Variants in DPP10 observed in about 807,000 individuals in gnomAD.
DPP10 encodes inactive dipeptidyl peptidase 10.
In DPP10, 33 loss-of-function variants were observed where a neutral mutation model predicts 120.9. The observed-to-expected ratio is 0.27, with a 90% CI of 0.21 to 0.37. The LOEUF is 0.37. Among genes scored for constraint, DPP10 ranks in the 10% least tolerant of loss-of-function variants. The pLI is 1.00. For synonymous variants in DPP10, 337 were observed against 326.1 expected, an observed-to-expected ratio of 1.03 and a Z score of -0.36; for missense variants, 816 against 942.8, an observed-to-expected ratio of 0.87 and a Z score of 1.76.
chr2:115,592,192 C>T (rs1490761378), intron 5 of DPP10, among the ~76,000 whole-genome samples: 3 of 152,118 alleles, frequency 2.0e-5, no homozygotes, highest in African/African-American at 7.2e-5. Context: ...CAATAAGATA[C>T]AGAAGCTTTT....
At position 115,773,734 on chromosome 2, in the gene DPP10, A is replaced by G. The variant is rs183126348; in HGVS notation, c.1222-3474A>G. Among the ~76,000 whole-genome samples, 92 of 152,206 alleles carry G rather than the reference A, an allele frequency of 6.0e-4. 1 individual carries two copies. Among genetic ancestry groups the G allele is most frequent in the African/African-American group, 2.0e-3 (84 of 41,568 alleles). ...TTCTGCTGAAGGTGCTTAAAAACCT[A>G]ACTGAAGTACAAACATCCCCTTGTG... is the stretch of plus-strand genomic sequence containing the variant. On this transcript the variant is annotated intron_variant, in intron 13 of 25. Transcript: ENST00000410059.
chr2:115,760,472 A>G (rs2149785166), intron 11 of DPP10, among the ~76,000 whole-genome samples: 1 of 152,344 alleles, frequency 6.6e-6, no homozygotes, highest in South Asian at 2.1e-4. Context: ...AAGATCCTAT[A>G]ACTTGATGGG....
intron 7 of DPP10, among the ~76,000 whole-genome samples, chr2:115,692,638 T>C (rs948880327): frequency 1.3e-5 from 2 of 152,092 alleles, no homozygotes; most frequent in Non-Finnish European, 2.9e-5. Flanking sequence ...TCCTCTAGGC[T>C]TTTTTAAAAT....
intron 3 of DPP10, among the ~76,000 whole-genome samples, chr2:115,433,973 TTAA>T (rs2104800092): frequency 6.6e-6 from 1 of 152,130 alleles, no homozygotes; most frequent in East Asian, 1.9e-4. Flanking sequence ...CTATTTATCT[TTAA>T]ATAAATAACT....
At chr2:115,418,318 A>G (rs988332962) in intron 3 of DPP10, among the ~76,000 whole-genome samples, 1 of 152,188 alleles carries the variant, frequency 6.6e-6, no homozygotes, top group Non-Finnish European at 1.5e-5. Context: ...TGCTGTATGT[A>G]TTAATCAGGG....
chr2:114,844,352 C>G (rs778227361), intron 1 of DPP10, among the ~76,000 whole-genome samples: 1 of 151,772 alleles, frequency 6.6e-6, no homozygotes, highest in Non-Finnish European at 1.5e-5. Context: ...AGAATAAGAG[C>G]TCAGGTCTTC....
intron 1 of DPP10, among the ~76,000 whole-genome samples, chr2:114,606,621 G>C (rs140740835): frequency 3.6e-4 from 55 of 152,256 alleles, no homozygotes; most frequent in African/African-American, 1.3e-3. Context: ...GAAGACAAAT[G>C]CAATACCATC....
At chr2:115,717,219 A>G (rs2092524109) in intron 7 of DPP10, among the ~76,000 whole-genome samples, 2 of 152,266 alleles carry the variant, frequency 1.3e-5, no homozygotes, top group South Asian at 2.1e-4. Flanking sequence ...TCACTTTCCA[A>G]TTAGGATGCC....
intron 1 of DPP10, among the ~76,000 whole-genome samples, chr2:114,444,850 T>TA (rs1677850936): frequency 6.6e-6 from 1 of 152,190 alleles, no homozygotes; most frequent in South Asian, 2.1e-4. Context: ...GTGATGTTCA[T>TA]AAAATATATA....
At chr2:114,809,327 A>G (rs1437154847) in intron 1 of DPP10, among the ~76,000 whole-genome samples, 1 of 152,178 alleles carries the variant, frequency 6.6e-6, no homozygotes, top group Admixed American at 6.5e-5. Flanking sequence ...TGTCCTCATT[A>G]TCAATTTTCT....
chr2:115,219,390 AT>A (rs201809472), intron 1 of DPP10, among the ~76,000 whole-genome samples: 9,543 of 152,204 alleles, frequency 0.063, 334 homozygotes, highest in Middle Eastern at 0.11. Context: ...CTGACTCTAA[AT>A]ACTTTTCCAT....
intron 1 of DPP10, among the ~76,000 whole-genome samples, chr2:115,019,540 A>G (rs983564391): frequency 6.6e-6 from 1 of 152,234 alleles, no homozygotes; most frequent in Non-Finnish European, 1.5e-5. Flanking sequence ...ATCCAAACCT[A>G]AGAATAATTG....
chr2:114,504,162 T>C (rs1683433512), intron 1 of DPP10, among the ~76,000 whole-genome samples: 1 of 152,194 alleles, frequency 6.6e-6, no homozygotes, highest in Non-Finnish European at 1.5e-5. Context: ...CTTATTTCAG[T>C]CCTGAATTTT....
intron 1 of DPP10, among the ~76,000 whole-genome samples, chr2:115,237,247 TA>T (rs2058050899): frequency 1.0e-5 from 1 of 98,486 alleles, no homozygotes. Flanking sequence ...ATTAATTCAT[TA>T]TTATTGTATC....
At chr2:115,252,315 G>T (rs1481660922) in intron 1 of DPP10, among the ~76,000 whole-genome samples, 1 of 152,144 alleles carries the variant, frequency 6.6e-6, no homozygotes, top group Non-Finnish European at 1.5e-5. Context: ...CAACCTTGCT[G>T]TGGGAGCCAC....
rs1575046568 is a variant in DPP10, at chr2:115,506,877, C to T, written c.366+7273C>T. The stretch of plus-strand genomic sequence containing the variant: ...CATAGCTTTGTTTGCCTTAACTTGT[C>T]TGAAGTCATCATATTTGTTTTTAAC... On this transcript the variant is annotated intron_variant, in intron 4 of 25. Transcript: ENST00000410059. Among the ~76,000 whole-genome samples, 8 of 152,204 alleles carry T rather than the reference C, an allele frequency of 5.3e-5. No homozygotes were observed. The South Asian group carries it at 1.7e-3, about 32-fold the overall frequency.
chr2:114,958,105 T>C (rs949042340), intron 1 of DPP10, among the ~76,000 whole-genome samples: 1 of 152,144 alleles, frequency 6.6e-6, no homozygotes, highest in African/African-American at 2.4e-5. Flanking sequence ...GGGTGCCTCA[T>C]GGTCAGAACA....
chr2:114,488,558 C>T (rs1681710332), intron 1 of DPP10, among the ~76,000 whole-genome samples: 1 of 152,138 alleles, frequency 6.6e-6, no homozygotes, highest in African/African-American at 2.4e-5. Flanking sequence ...GTTCTAATTA[C>T]AGAATTATAG....
At chr2:115,764,592 A>G (rs571512193) in intron 12 of DPP10, among the ~76,000 whole-genome samples, 2 of 152,252 alleles carry the variant, frequency 1.3e-5, no homozygotes, top group African/African-American at 2.4e-5. Flanking sequence ...GACATTCATA[A>G]TAGTTTAACA....
Sources: allele counts gnomAD v4.1 joint callset (sites outside exome capture counted in the v4.1 genomes callset), GRCh38; gene constraint gnomAD v4.1.1; transcripts MANE v1.5; gene names NCBI Gene and HGNC (gene_info 2026-07-23, HGNC 2026-07-21).